Variants in AWAT2 observed in about 807,000 individuals in gnomAD.
AWAT2 encodes acyl-CoA wax alcohol acyltransferase 2.
In AWAT2, 9 loss-of-function variants were observed where a neutral mutation model predicts 22.3. The ratio of observed to expected loss-of-function variants is 0.40; its 90% CI spans 0.24 to 0.70. The LOEUF is 0.70. AWAT2 is among the 30% of genes least tolerant of loss of function. The pLI is 0.36. For missense variants in AWAT2, 217 were observed against 265.9 expected, an observed-to-expected ratio of 0.82 and a Z score of 1.28; for synonymous variants, 100 against 93.4, an observed-to-expected ratio of 1.07 and a Z score of -0.40.
At chrX:70,042,769 G>T (rs1432262247) in intron 5 of AWAT2, 2 of 401,574 alleles carry the variant, frequency 5.0e-6, no homozygotes, top group African/African-American at 5.0e-5. Context: ...AGGCTGGTGT[G>T]AGGGAGAACA....
chrX:70,046,189 A>G (rs1056179815), intron 1 of AWAT2, among the ~76,000 whole-genome samples: 10 of 112,059 alleles, frequency 8.9e-5, no homozygotes, highest in African/African-American at 3.2e-4. Context: ...CATGATAACT[A>G]ATAGATTTCT....
At chrX:70,044,573 CCACTCAA>C in intron 1 of AWAT2, 111 bp from the exon 2 acceptor site, 1 of 1,067,640 alleles carries the variant, frequency 9.4e-7, no homozygotes. Flanking sequence ...TCACCCATAC[CCACTCAA>C]CACTCTCACT....
chrX:70,046,054 C>T (rs1240564711), intron 1 of AWAT2, among the ~76,000 whole-genome samples: 1 of 111,143 alleles, frequency 9.0e-6, no homozygotes, highest in Non-Finnish European at 1.9e-5. Context: ...CAAATTGTAA[C>T]AGGAAGATAC....
Position 70,043,667 on chromosome X carries a change from C to T in AWAT2, c.283G>A (p.Asp95Asn), listed in dbSNP as rs1233864114. ...YFPLKLLKTH[D>N]ICPSRNYILV... is the part of the protein sequence containing the mutation. ...ATGTAGTTGCGGCTGGGGCAGATGT[C>T]ATGAGTCTTCAGAAGCTGCGGAAGA... Residue 95 changes from aspartate (D) to asparagine (N), a missense_variant, in exon 4 of 8, where the codon GAC becomes AAC. By Grantham distance (23) the Asp-to-Asn change is conservative. Coordinates refer to ENST00000276101, the MANE Select transcript of AWAT2 (RefSeq NM_001002254.1). 5.8e-6 allele frequency: 7 copies of T among 1,206,186 alleles called. No homozygotes were observed. The highest frequency in any genetic ancestry group is 5.7e-4 in the Middle Eastern group (2 of 3,510).
chrX:70,047,052 C>T (rs1314289622), intron 1 of AWAT2, among the ~76,000 whole-genome samples: 1 of 111,121 alleles, frequency 9.0e-6, no homozygotes, highest in African/African-American at 3.3e-5. Flanking sequence ...CAGGAAATTC[C>T]ATGGGAAAGG....
At chrX:70,049,773 T>A in intron 1 of AWAT2, 75 bp downstream of exon 1, 1 of 1,143,920 alleles carries the variant, frequency 8.7e-7, no homozygotes, top group East Asian at 3.0e-5. Flanking sequence ...CCATTGAACA[T>A]CCTGCAACCC....
chrX:70,049,502 G>T (rs917759499), intron 1 of AWAT2, among the ~76,000 whole-genome samples: 4 of 111,308 alleles, frequency 3.6e-5, no homozygotes, highest in African/African-American at 1.3e-4. Flanking sequence ...CTTTTCCTTG[G>T]CTAGCCTCAG....
At position 70,041,877 on chromosome X, in the gene AWAT2, T is replaced by C. The variant is rs1261439169; in HGVS notation, c.933A>G (p.Leu311=). The part of the protein sequence containing the change: ...AKYHTLYIDA[L]RKLFDQHKTK... ...TCTTATGCTGGTCAAACAGTTTACGTAGGGCATCAATATAGAGTGTGTGAT... is the reference window on the plus strand; with the variant it reads ...TCTTATGCTGGTCAAACAGTTTACGCAGGGCATCAATATAGAGTGTGTGAT... The change falls in exon 7 of 8, where the codon CTA becomes CTG. Residue 311 remains leucine (L), a synonymous_variant. Coordinates refer to ENST00000276101, the MANE Select transcript of AWAT2 (RefSeq NM_001002254.1). The C allele has an allele frequency of 6.6e-6, 8 of 1,208,479 alleles. No individual in the cohort carries two copies. The highest frequency in any genetic ancestry group is 5.3e-5 in the African/African-American group (3 of 57,103).
chrX:70,040,604 A>G lies in AWAT2; in HGVS notation c.*1054T>C, dbSNP rs1045997081. On this transcript the variant is annotated 3_prime_UTR_variant, in exon 8 of 8. Coordinates refer to ENST00000276101, the MANE Select transcript of AWAT2 (RefSeq NM_001002254.1). ...CGTAATCTCTGGCACAAGAAGTAAC[A>G]AAGACAGCAGAAAAGCAGAAGCATG... 6 of 112,786 alleles carry G rather than the reference A, an allele frequency of 5.3e-5. No homozygotes were observed. Among genetic ancestry groups the G allele is most frequent in the African/African-American group, 1.9e-4 (6 of 31,040 alleles). 9.3% of individuals were successfully genotyped at this position (112,786 alleles called of 1,213,427 possible).
intron 1 of AWAT2, among the ~76,000 whole-genome samples, chrX:70,047,394 C>T (rs2020369627): frequency 8.9e-6 from 1 of 112,215 alleles, no homozygotes; most frequent in East Asian, 2.8e-4. Flanking sequence ...CCATATGACA[C>T]TACTGACTTC....
intron 1 of AWAT2, among the ~76,000 whole-genome samples, chrX:70,044,785 G>A (rs1371879784): frequency 8.9e-6 from 1 of 112,716 alleles, no homozygotes; most frequent in East Asian, 2.8e-4. Context: ...GTCAATGGCA[G>A]TGAGCCAGCG....
At chrX:70,047,955 C>T (rs2020373871) in intron 1 of AWAT2, among the ~76,000 whole-genome samples, 1 of 109,271 alleles carries the variant, frequency 9.2e-6, no homozygotes, top group South Asian at 4.1e-4. Context: ...CCCCACCTGC[C>T]CCCCTGCCAG....
chrX:70,046,847 T>A (rs2020365247), intron 1 of AWAT2, among the ~76,000 whole-genome samples: 1 of 112,210 alleles, frequency 8.9e-6, no homozygotes, highest in Admixed American at 9.5e-5. Context: ...AGAAAAACTT[T>A]GAAATTATTT....
chrX:70,042,891 C>A, intron 5 of AWAT2, 178 bp downstream of exon 5: 30 of 387,461 alleles, frequency 7.7e-5, no homozygotes, highest in Non-Finnish European at 1.1e-4. Flanking sequence ...TTTTTTTTAA[C>A]TTATTTATTT....
chrX:70,045,014 C>T (rs2020353720), intron 1 of AWAT2, among the ~76,000 whole-genome samples: 1 of 112,384 alleles, frequency 8.9e-6, no homozygotes, highest in African/African-American at 3.2e-5. Flanking sequence ...GATAGGAACA[C>T]TGTAGGTTAG....
chrX:70,046,078 C>T (rs2020359618), intron 1 of AWAT2, among the ~76,000 whole-genome samples: 2 of 111,299 alleles, frequency 1.8e-5, no homozygotes, highest in South Asian at 3.8e-4. Flanking sequence ...GCTCCAGCAG[C>T]GATGTTCTAA....
Position 70,043,533 on chromosome X carries a change from G to GA in AWAT2, c.416dup (p.Thr140HisfsTer29). 1 of 1,211,166 alleles carries GA rather than the reference G, an allele frequency of 8.3e-7. No individual in the cohort carries two copies. On this transcript the variant is annotated frameshift_variant, in exon 4 of 8. Transcript: ENST00000276101. LOFTEE classifies it high-confidence loss of function. Reference sequence around the variant, plus strand: ...GCATCCAGAAAAAGGCTCCCAGTGTGAGTATGTAAGGGGTGATGCCAGGAA... The same window carrying GA: ...GCATCCAGAAAAAGGCTCCCAGTGTGAAGTATGTAAGGGGTGATGCCAGGAA...
chrX:70,048,651 C>T (rs1489958862), intron 1 of AWAT2, among the ~76,000 whole-genome samples: 1 of 112,027 alleles, frequency 8.9e-6, no homozygotes, highest in African/African-American at 3.2e-5. Context: ...TGAAAAGATG[C>T]TCAAACTCAT....
chrX:70,043,144 CT>C lies in AWAT2; in HGVS notation c.571del (p.Arg191AspfsTer12). ...GGTAGAAGAACCTGGCAGGCTGTAT[CT>C]GCACTCAGCCAGTCCACCAATCACC... Reference protein sequence around the residue: ...IVVIGGLAECRYSLPGSSTLV... With the variant: ...IVVIGGLAECXYSLPGSSTLV... On this transcript the variant is annotated frameshift_variant, in exon 5 of 8. Coordinates refer to ENST00000276101, the MANE Select transcript of AWAT2 (RefSeq NM_001002254.1). LOFTEE classifies it high-confidence loss of function. The C allele has an allele frequency of 1.7e-6, 2 of 1,204,652 alleles. No individual in the cohort carries two copies. Among genetic ancestry groups the C allele is most frequent in the Non-Finnish European group, 2.2e-6 (2 of 891,981 alleles).
Sources: allele counts gnomAD v4.1 joint callset (sites outside exome capture counted in the v4.1 genomes callset), GRCh38; gene constraint gnomAD v4.1.1; transcripts MANE v1.5; gene names NCBI Gene and HGNC (gene_info 2026-07-23, HGNC 2026-07-21).